CLSPN: variants seen among roughly 807,000 people sequenced by gnomAD.
The protein encoded by CLSPN is claspin homolog.
A neutral mutation model predicts 156.3 loss-of-function variants in CLSPN; 85 were observed. The ratio of observed to expected loss-of-function variants is 0.54; its 90% CI spans 0.46 to 0.65. The LOEUF (loss-of-function observed/expected upper bound fraction) is 0.65. Ranked by LOEUF, CLSPN falls within the 30% of genes least tolerant of loss-of-function variation. The pLI, the probability that CLSPN is intolerant of heterozygous loss-of-function variation, is 0.00. For synonymous variants in CLSPN, 534 were observed against 542.4 expected (o/e 0.98, Z 0.22); for missense variants, 1,407 against 1,554.9 (o/e 0.90, Z 1.60).
In CLSPN at chr1:35,738,113, AATATATATATAT is replaced by A. The variant is rs200967861; in HGVS notation, c.3559-28_3559-17del. 1.1e-5 allele frequency: 4 copies of A among 362,604 alleles called. No individual in the cohort carries two copies. The highest frequency in any genetic ancestry group is 1.1e-5 in the Non-Finnish European group (3 of 271,568). The allele number at this position is 362,604 out of a possible 1,614,324, so 22.5% of individuals were successfully genotyped here. A position where few individuals can be genotyped will look rare whatever the true frequency, so the allele number is the denominator to read the frequency against. On this transcript the variant is annotated splice_polypyrimidine_tract_variant and intron_variant, in intron 21 of 24. Coordinates refer to ENST00000318121, the MANE Select transcript of CLSPN (RefSeq NM_022111.4). ...CCTGCTGTGCCTGAAAAAAAAAAAA[AATATATATATAT>A]ATATATATATATATACAGCATTAAA...
At chr1:35,737,459 G>T in intron 22 of CLSPN, 38 bp from the exon 23 acceptor site, 2 of 1,499,562 alleles carry the variant, frequency 1.3e-6, no homozygotes, top group East Asian at 2.3e-5. Flanking sequence ...TCTGGGAAAA[G>T]CTGATTAGAA....
Position 35,747,970 on chromosome 1 carries a change from CCTAGG to C in CLSPN, c.2559_2563del (p.Phe853LeufsTer12). Reference sequence around the variant, plus strand: ...TAAACAGAACTGGAAGTCTCCTGCTCCTAGGAAAAGTGTCTTAGGCTCTGGGGAGG... The same window carrying C: ...TAAACAGAACTGGAAGTCTCCTGCTCAAAAGTGTCTTAGGCTCTGGGGAGG... On this transcript the variant is annotated frameshift_variant, in exon 14 of 25. Transcript: ENST00000318121. LOFTEE classifies it high-confidence loss of function. The C allele has an allele frequency of 6.2e-7, 1 of 1,614,228 alleles. No homozygotes were observed. Among genetic ancestry groups the C allele is most frequent in the Non-Finnish European group, 8.5e-7 (1 of 1,180,034 alleles).
rs202126829 is a variant in CLSPN, at chr1:35,764,396, G to C, written c.452C>G (p.Ser151Cys). The C allele has an allele frequency of 3.1e-6, 5 of 1,612,950 alleles. No homozygotes were observed. Among genetic ancestry groups the C allele is most frequent in the Non-Finnish European group, 4.2e-6 (5 of 1,179,724 alleles). ...TTCTTTATCATGTATGTGCTTTTTG[G>C]AACTCTTTCTGTCAGTGGTAAAGTC... ...STDFTTDRKS[S>C]KKHIHDKEGT... is the part of the protein sequence containing the mutation. Residue 151 changes from serine (S) to cysteine (C), a missense_variant, in exon 3 of 25, where the codon TCC (serine) becomes TGC (cysteine). Transcript: ENST00000318121.
intron 10 of CLSPN, 113 bp downstream of exon 10, chr1:35,751,137 G>A: frequency 7.4e-7 from 1 of 1,344,340 alleles, no homozygotes; most frequent in Middle Eastern, 2.7e-4. Context: ...CCCTCATCAT[G>A]CCCCTAAAAC....
chr1:35,727,397 G>A (rs1172422351), downstream of CLSPN, among the ~76,000 whole-genome samples: 1 of 152,158 alleles, frequency 6.6e-6, no homozygotes, highest in African/African-American at 2.4e-5. Flanking sequence ...CATTGAATGT[G>A]GGCTATCCTT....
rs1557499688 is a variant in CLSPN, at chr1:35,736,994, G to A, written c.3829C>T (p.Pro1277Ser). The change falls in exon 24 of 25, where the codon CCT becomes TCT. Residue 1277 changes from proline to serine, a missense_variant. By Grantham distance (74) the Pro-to-Ser change is moderately conservative (BLOSUM62 -1). Transcript: ENST00000318121. ...AAGACAAAGTTTCTTGAATTTCGAG[G>A]AGCACTGGGGTTATGGTCAGAGAGA... ...AALSDHNPSA[P>S]RNSRNFVFHT... 4 of 1,613,960 alleles carry A rather than the reference G, an allele frequency of 2.5e-6. No homozygotes were observed. The highest frequency in any genetic ancestry group is 2.5e-6 in the Non-Finnish European group (3 of 1,179,996).
At chr1:35,768,489 C>A (rs571713758) in intron 1 of CLSPN, among the ~76,000 whole-genome samples, 17 of 152,068 alleles carry the variant, frequency 1.1e-4, no homozygotes, top group African/African-American at 3.9e-4. Context: ...CTCACTGCAG[C>A]CTTGACCTCC....
chr1:35,736,491 T>C lies in CLSPN; in HGVS notation c.*5A>G, dbSNP rs1222265767. ...TCAATGTAGATTTTGGCACCTTTGATGGTGTTAGCTCTCCAAATATTTGAA... is the reference window on the plus strand; with the variant it reads ...TCAATGTAGATTTTGGCACCTTTGACGGTGTTAGCTCTCCAAATATTTGAA... On this transcript the variant is annotated 3_prime_UTR_variant, in exon 25 of 25. Coordinates refer to ENST00000318121, the MANE Select transcript of CLSPN (RefSeq NM_022111.4). The C allele has an allele frequency of 1.3e-6, 2 of 1,579,170 alleles. No homozygotes were observed. The highest frequency in any genetic ancestry group is 2.7e-5 in the African/African-American group (2 of 73,444).
intron 8 of CLSPN, among the ~76,000 whole-genome samples, 195 bp downstream of exon 8, chr1:35,760,147 T>C (rs781646212): frequency 2.0e-5 from 3 of 152,212 alleles, no homozygotes; most frequent in Admixed American, 2.0e-4. Flanking sequence ...ACTTCCATTT[T>C]AAACATGGCT....
At position 35,760,598 on chromosome 1, in the gene CLSPN, C is replaced by A; in HGVS notation, c.1323G>T (p.Glu441Asp). 1 of 1,614,214 alleles carries A rather than the reference C, an allele frequency of 6.2e-7. No homozygotes were observed. Among genetic ancestry groups the A allele is most frequent in the Non-Finnish European group, 8.5e-7 (1 of 1,180,038 alleles). The change falls in exon 8 of 25, where the codon GAG becomes GAT. Residue 441 changes from glutamate to aspartate, a missense_variant. Glu to Asp is a conservative substitution (Grantham distance 45). This residue lies in a region of CLSPN where 1,096 missense variants were observed against 1,193.0 expected (regional missense o/e 0.92). Transcript: ENST00000318121. ...CTACAAGCCCTCCAACCTGACATTC[C>A]TCACTGTGATTGTTCCCGAGGAAGT... ...ESNFLGNNHS[E>D]ECQVGGLVAF... is the part of the protein sequence containing the mutation.
At position 35,737,995 on chromosome 1, in the gene CLSPN, T is replaced by A. The variant is rs1202431582; in HGVS notation, c.3661A>T (p.Asn1221Tyr). 1.0e-5 allele frequency: 15 copies of A among 1,466,768 alleles called. No individual in the cohort carries two copies. Among genetic ancestry groups the A allele is most frequent in the Non-Finnish European group, 1.4e-5 (15 of 1,095,314 alleles). 90.9% of individuals were successfully genotyped at this position (1,466,768 alleles called of 1,614,324 possible). Residue 1221 changes from asparagine to tyrosine, a missense_variant, in exon 22 of 25, where the codon AAT (asparagine) becomes TAT (tyrosine). Asn to Tyr is a moderately radical substitution (Grantham distance 143). This residue lies in a region of CLSPN where 241 missense variants were observed against 240.5 expected (regional missense o/e 1.00). Transcript: ENST00000318121. ...CTAAGGAGAAACAAGAGCTCACCAT[T>A]CTTCTGCAGTGCTTTGGCTGTAACT... ...KKVTAKALQK[N>Y]ASRPMVIQES...
chr1:35,729,769 AC>A (rs768298700), downstream of CLSPN, among the ~76,000 whole-genome samples: 23 of 152,264 alleles, frequency 1.5e-4, 2 homozygotes, highest in East Asian at 1.5e-3. Context: ...ACTCAGCTCT[AC>A]CCATTCCTCA....
intron 24 of CLSPN, among the ~76,000 whole-genome samples, chr1:35,722,724 C>T (rs747967962): frequency 6.6e-6 from 1 of 151,838 alleles, no homozygotes; most frequent in Non-Finnish European, 1.5e-5. Context: ...GTCCGCCTCC[C>T]AGGATCAAGC....
chr1:35,743,164 T>C lies in CLSPN; in HGVS notation c.3120A>G (p.Arg1040=), dbSNP rs1641755023. The change falls in exon 18 of 25, where the codon CGA becomes CGG. Residue 1040 remains arginine (R), a synonymous_variant. Coordinates refer to ENST00000318121, the MANE Select transcript of CLSPN (RefSeq NM_022111.4). ...ACATTTGCCTTTTCAACTTCTCAGA[T>C]CGCTTCAGGAGTTCTTCTTCATCAT... The part of the protein sequence containing the change: ...EDDDEEELLK[R]SEKLKRQMRL... 1 of 1,613,842 alleles carries C rather than the reference T, an allele frequency of 6.2e-7. No homozygotes were observed. Among genetic ancestry groups the C allele is most frequent in the Non-Finnish European group, 8.5e-7 (1 of 1,179,868 alleles).
chr1:35,760,736 C>T lies in CLSPN; in HGVS notation c.1185G>A (p.Glu395=). 1 of 1,614,090 alleles carries T rather than the reference C, an allele frequency of 6.2e-7. No individual in the cohort carries two copies. Among genetic ancestry groups the T allele is most frequent in the Non-Finnish European group, 8.5e-7 (1 of 1,180,040 alleles). Residue 395 remains glutamate (E), a synonymous_variant, in exon 8 of 25, where the codon GAG becomes GAA. Transcript: ENST00000318121. ...TTTTTACCAAATCCTTCCTGCAAGA[C>T]TCATCTGATCCAGTAATGATCTGGG... The part of the protein sequence containing the change: ...KETQIITGSD[E]SCRKDLVKNE...
Position 35,734,916 on chromosome 1 carries a change from T to C in CLSPN, c.*1580A>G, listed in dbSNP as rs1641415273. 1.0e-6 allele frequency: 1 copy of C among 985,336 alleles called. No homozygotes were observed. Among genetic ancestry groups the C allele is most frequent in the Non-Finnish European group, 1.2e-6 (1 of 829,950 alleles). 61.0% of individuals were successfully genotyped at this position (985,336 alleles called of 1,614,324 possible). On this transcript the variant is annotated 3_prime_UTR_variant, in exon 25 of 25. Transcript: ENST00000318121. ...AGTTCTGAGGGGAAAAACATTTGTC[T>C]AAAATTCTGAGAAGCTTGTGGTAGT...
chr1:35,761,921 T>A (rs1165915014), intron 6 of CLSPN, 77 bp downstream of exon 6: 3 of 967,388 alleles, frequency 3.1e-6, no homozygotes, highest in Non-Finnish European at 4.9e-6. Context: ...GTTAAAAAAA[T>A]AAAAGTCCCC....
chr1:35,763,437 G>A (rs1176550635), intron 3 of CLSPN, 116 bp from the exon 4 acceptor site: 1 of 673,014 alleles, frequency 1.5e-6, no homozygotes, highest in African/African-American at 1.9e-5. Flanking sequence ...CAACAGACAA[G>A]CATATAAAAT....
At chr1:35,761,483 T>C (rs1468017771) in intron 6 of CLSPN, among the ~76,000 whole-genome samples, 1 of 152,128 alleles carries the variant, frequency 6.6e-6, no homozygotes, top group Non-Finnish European at 1.5e-5. Context: ...ACCTAAACAT[T>C]TATATACAGT....
Sources: allele counts gnomAD v4.1 joint callset (sites outside exome capture counted in the v4.1 genomes callset), GRCh38; gene constraint gnomAD v4.1.1; regional missense constraint gnomAD v4.1.1; transcripts MANE v1.5; gene names NCBI Gene and HGNC (gene_info 2026-07-23, HGNC 2026-07-21).